Variants in RDH13 observed in about 807,000 individuals in gnomAD.
The protein encoded by RDH13 is retinol dehydrogenase 13.
In RDH13, 35 loss-of-function variants were observed where a neutral mutation model predicts 28.3. The observed-to-expected ratio is 1.24, with a 90% CI of 0.95 to 1.64. The LOEUF (loss-of-function observed/expected upper bound fraction) is 1.64. Ranked by LOEUF, RDH13 falls within the 40% of genes most tolerant of loss-of-function variation. The probability of loss-of-function intolerance (pLI) is 0.00; values close to 1 mark genes in which losing one functional copy is unlikely to be tolerated. For synonymous variants in RDH13, 229 were observed against 198.5 expected (o/e 1.15, Z -1.29); for missense variants, 514 against 446.3 (o/e 1.15, Z -1.37).
chr19:55,057,737 A>G (rs567940104), intron 2 of RDH13, among the ~76,000 whole-genome samples: 8 of 151,876 alleles, frequency 5.3e-5, no homozygotes, highest in African/African-American at 1.9e-4. Flanking sequence ...CCCAGCCTCC[A>G]ATTTTTTTTG....
chr19:55,047,015 G>T, intron 6 of RDH13: 1 of 613,498 alleles, frequency 1.6e-6, no homozygotes, highest in Non-Finnish European at 2.3e-6. Flanking sequence ...TCCTATTAAG[G>T]CCTGCACTCT....
At position 55,048,399 on chromosome 19, in the gene RDH13, G is replaced by A. The variant is rs1271227759; in HGVS notation, c.588C>T (p.Thr196=). 6 of 1,614,168 alleles carry A rather than the reference G, an allele frequency of 3.7e-6. No individual in the cohort carries two copies. Among genetic ancestry groups the A allele is most frequent in the Middle Eastern group, 1.6e-4 (1 of 6,062 alleles). The change falls in exon 5 of 7, where the codon ACC becomes ACT. Residue 196 remains threonine, a synonymous_variant. Transcript: ENST00000415061. ...GCTTGCTCTGGCAGTAGGCGGCTTT[G>A]GTGTTATACTTCCTCGTCTGCCAGT... ...DLNWQTRKYN[T]KAAYCQSKLA...
At position 55,048,749 on chromosome 19, in the gene RDH13, C is replaced by T; in HGVS notation, c.355G>A (p.Asp119Asn). 1.9e-6 allele frequency: 3 copies of T among 1,613,894 alleles called. No individual in the cohort carries two copies. The highest frequency in any genetic ancestry group is 2.5e-6 in the Non-Finnish European group (3 of 1,179,970). ...ACACCCGCGTTGTTGATTAGAATGT[C>T]CACTCGCTCCTCCTCTGGAAGAGAG... is the stretch of plus-strand genomic sequence containing the variant. ...AKIIEEEERV[D>N]ILINNAGVMR... is the part of the protein sequence containing the mutation. Residue 119 changes from aspartate to asparagine, a missense_variant, in exon 4 of 7, where the codon GAC becomes AAC. Asp to Asn is a conservative substitution (Grantham distance 23). Transcript: ENST00000415061.
chr19:55,065,911 T>C (rs530663418), upstream of RDH13, among the ~76,000 whole-genome samples: 14 of 152,166 alleles, frequency 9.2e-5, 1 homozygote, highest in East Asian at 2.7e-3. Flanking sequence ...AGAGACGGGG[T>C]TTCACCATGT....
upstream of RDH13, among the ~76,000 whole-genome samples, chr19:55,068,064 A>T (rs1279684858): frequency 4.7e-5 from 4 of 84,376 alleles, no homozygotes; most frequent in Admixed American, 3.2e-4. Flanking sequence ...TTTCTCCCCC[A>T]TCTCTCTTTC....
At position 55,045,174 on chromosome 19, in the gene RDH13, TCGGGGGC is replaced by T. The variant is rs571313070; in HGVS notation, c.889_895del (p.Ala297ArgfsTer21). ...CCGGGCCACCTCCTCATCCTCAGCCTCGGGGGCCGGGGCCTTCTGTTTGAGTCCATCG... is the reference window on the plus strand; with the variant it reads ...CCGGGCCACCTCCTCATCCTCAGCCTCGGGGCCTTCTGTTTGAGTCCATCG... On this transcript the variant is annotated frameshift_variant, in exon 7 of 7. Transcript: ENST00000415061. LOFTEE classifies it high-confidence loss of function. The T allele has an allele frequency of 3.1e-6, 5 of 1,613,510 alleles. No homozygotes were observed. Among genetic ancestry groups the T allele is most frequent in the Non-Finnish European group, 4.2e-6 (5 of 1,180,000 alleles).
chr19:55,045,594 C>A (rs1206692168), intron 6 of RDH13, among the ~76,000 whole-genome samples: 1 of 152,214 alleles, frequency 6.6e-6, no homozygotes, highest in Non-Finnish European at 1.5e-5. Context: ...CCTCACCCTA[C>A]CCCATTTCTC....
chr19:55,046,259 CATTTATTT>C (rs199702727), intron 6 of RDH13, among the ~76,000 whole-genome samples: 7 of 139,998 alleles, frequency 5.0e-5, no homozygotes, highest in African/African-American at 1.9e-4. Context: ...AAAAAAAAGA[CATTTATTT>C]ATTTATTTAT....
rs144175381 is a variant in RDH13, at chr19:55,055,578, G to A, written c.340+1075C>T. Reference sequence around the variant, plus strand: ...AATAAGGTCAGGTGCGGTGGCTCACGCCTGTAATCCCAGCACTGTGGGAAG... The same window carrying A: ...AATAAGGTCAGGTGCGGTGGCTCACACCTGTAATCCCAGCACTGTGGGAAG... On this transcript the variant is annotated intron_variant, in intron 3 of 6. Transcript: ENST00000415061. 4.1e-3 allele frequency among the ~76,000 whole-genome samples: 619 copies of A among 151,248 alleles called. 7 individuals carry two copies. Among genetic ancestry groups the A allele is most frequent in the African/African-American group, 0.014 (574 of 41,264 alleles).
At chr19:55,054,744 T>TTTTC (rs1365997501) in intron 3 of RDH13, among the ~76,000 whole-genome samples, 1 of 151,718 alleles carries the variant, frequency 6.6e-6, no homozygotes, top group Non-Finnish European at 1.5e-5. Flanking sequence ...AATTTTTTTT[T>TTTTC]TTTTTTAATC....
In RDH13 at chr19:55,059,121, A is replaced by C. The variant is rs1462026649; in HGVS notation, c.184+36T>G. The C allele has an allele frequency of 2.2e-6, 3 of 1,351,306 alleles. No individual in the cohort carries two copies. The Admixed American group carries it at 5.9e-5, about 26-fold the overall frequency. The allele number at this position is 1,351,306 out of a possible 1,614,324, so 83.7% of individuals were successfully genotyped here. The stretch of plus-strand genomic sequence containing the variant: ...TGCTGCAGTGAGCATGGATGTACAG[A>C]TATCTCTCTGAGAGCCAAAGCAGGG... On this transcript the variant is annotated intron_variant, in intron 2 of 6. Coordinates refer to ENST00000415061, the MANE Select transcript of RDH13 (RefSeq NM_001145971.2).
chr19:55,060,858 G>C (rs2075787231), intron 1 of RDH13, among the ~76,000 whole-genome samples: 1 of 151,796 alleles, frequency 6.6e-6, no homozygotes, highest in Admixed American at 6.6e-5. Flanking sequence ...AATGCCCGCT[G>C]CACGAGATTC....
intron 5 of RDH13, chr19:55,048,111 G>A (rs1368978733): frequency 2.6e-6 from 4 of 1,527,368 alleles, no homozygotes; most frequent in Non-Finnish European, 3.5e-6. Context: ...GATCCAGGCA[G>A]ACTAGACCAC....
chr19:55,047,745 C>G (rs942263524), intron 5 of RDH13, among the ~76,000 whole-genome samples: 1 of 152,180 alleles, frequency 6.6e-6, no homozygotes, highest in Non-Finnish European at 1.5e-5. Flanking sequence ...GAGCCTGCAT[C>G]GGTGCGTGGC....
Position 55,048,744 on chromosome 19 carries a change from A to C in RDH13, c.360T>G (p.Ile120Met). 1 of 1,613,842 alleles carries C rather than the reference A, an allele frequency of 6.2e-7. No homozygotes were observed. The highest frequency in any genetic ancestry group is 8.5e-7 in the Non-Finnish European group (1 of 1,179,958). ...GCATCACACCCGCGTTGTTGATTAGAATGTCCACTCGCTCCTCCTCTGGAA... is the reference window on the plus strand; with the variant it reads ...GCATCACACCCGCGTTGTTGATTAGCATGTCCACTCGCTCCTCCTCTGGAA... Reference protein sequence around the residue: ...KIIEEEERVDILINNAGVMRC... With the variant: ...KIIEEEERVDMLINNAGVMRC... Residue 120 changes from isoleucine to methionine, a missense_variant, in exon 4 of 7, where the codon ATT becomes ATG. Physicochemically the swap from Ile to Met is conservative, Grantham distance 10. Coordinates refer to ENST00000415061, the MANE Select transcript of RDH13 (RefSeq NM_001145971.2).
chr19:55,059,337 C>A, intron 1 of RDH13, 62 bp from the exon 2 acceptor site: 3 of 1,109,210 alleles, frequency 2.7e-6, no homozygotes, highest in Non-Finnish European at 4.0e-6. Flanking sequence ...GTGCCCCTGA[C>A]TGAATGATCT....
intron 3 of RDH13, among the ~76,000 whole-genome samples, chr19:55,049,480 G>C (rs2075357587): frequency 6.6e-6 from 1 of 152,156 alleles, no homozygotes; most frequent in South Asian, 2.1e-4. Context: ...AAGTGCCACA[G>C]ACAGGTGGTT....
intron 2 of RDH13, among the ~76,000 whole-genome samples, chr19:55,058,805 C>A (rs1441501448): frequency 1.3e-5 from 2 of 152,138 alleles, no homozygotes; most frequent in African/African-American, 2.4e-5. Flanking sequence ...TTCAGCCTCC[C>A]AAGCAGCTGG....
chr19:55,040,467 G>A (rs778238542), downstream of RDH13: 2 of 152,230 alleles, frequency 1.3e-5, no homozygotes, highest in Non-Finnish European at 2.9e-5. Context: ...TGACTTGTAT[G>A]TGCACTTACA....
Sources: allele counts gnomAD v4.1 joint callset (sites outside exome capture counted in the v4.1 genomes callset), GRCh38; gene constraint gnomAD v4.1.1; transcripts MANE v1.5; gene names NCBI Gene and HGNC (gene_info 2026-07-23, HGNC 2026-07-21).